VIPR2: variants seen among roughly 807,000 people sequenced by gnomAD.
VIPR2 encodes the protein vasoactive intestinal polypeptide receptor 2.
A neutral mutation model predicts 58.0 loss-of-function variants in VIPR2; 48 were observed. That is an observed-to-expected ratio of 0.83 (90% confidence interval 0.66 to 1.05). VIPR2 has a LOEUF of 1.05. VIPR2 is among the 50% of genes least tolerant of loss of function. VIPR2 has a pLI of 0.00. For synonymous variants in VIPR2, 243 were observed against 235.2 expected, an observed-to-expected ratio of 1.03 and a Z score of -0.30; for missense variants, 534 against 558.0, an observed-to-expected ratio of 0.96 and a Z score of 0.43.
intron 2 of VIPR2, among the ~76,000 whole-genome samples, chr7:159,140,076 T>C (rs1184647208): frequency 1.7e-5 from 2 of 116,824 alleles, no homozygotes; most frequent in Non-Finnish European, 4.0e-5. Context: ...CGTGTTTTTT[T>C]GTTTTTGTTT....
At chr7:159,116,144 C>T (rs1050334523) in intron 2 of VIPR2, among the ~76,000 whole-genome samples, 3 of 152,088 alleles carry the variant, frequency 2.0e-5, no homozygotes, top group Admixed American at 1.3e-4. Context: ...GAGCCCTGGT[C>T]GGAAAGGCTG....
chr7:159,126,089 G>C (rs1179004376), intron 2 of VIPR2, among the ~76,000 whole-genome samples: 4 of 152,168 alleles, frequency 2.6e-5, no homozygotes, highest in Non-Finnish European at 5.9e-5. Context: ...TGTGAACTTG[G>C]GGGCTCTCGT....
intron 2 of VIPR2, among the ~76,000 whole-genome samples, chr7:159,140,824 G>C (rs1053416829): frequency 6.6e-6 from 1 of 152,222 alleles, no homozygotes; most frequent in Non-Finnish European, 1.5e-5. Context: ...GTGTAAATGT[G>C]CTGACCTGCC....
intron 3 of VIPR2, among the ~76,000 whole-genome samples, chr7:159,106,936 T>TCAGGGAGGGACAGAGAGAGGC (rs1795767035): frequency 9.5e-6 from 1 of 104,746 alleles, no homozygotes; most frequent in Admixed American, 1.0e-4. Context: ...TGCAGAGAGA[T>TCAGGGAGGGACAGAGAGAGGC]CAGGGAGGTA....
chr7:159,144,131 T>C (rs765603318), intron 1 of VIPR2, among the ~76,000 whole-genome samples: 1 of 152,206 alleles, frequency 6.6e-6, no homozygotes, highest in Non-Finnish European at 1.5e-5. Flanking sequence ...TTCTTTCCTT[T>C]TTTTTTAAGG....
At chr7:159,059,699 C>T (rs1855521533) in intron 4 of VIPR2, among the ~76,000 whole-genome samples, 1 of 141,530 alleles carries the variant, frequency 7.1e-6, no homozygotes, top group Non-Finnish European at 1.6e-5. Flanking sequence ...CCCGACTCCA[C>T]TCACGAGAAT....
intron 4 of VIPR2, among the ~76,000 whole-genome samples, chr7:159,067,278 G>A (rs914782802): frequency 7.9e-5 from 12 of 152,208 alleles, no homozygotes; most frequent in Non-Finnish European, 1.5e-4. Context: ...GCAGCCAAAC[G>A]GATGCTCTGA....
intron 4 of VIPR2, among the ~76,000 whole-genome samples, chr7:159,082,454 G>C (rs1038824003): frequency 3.0e-4 from 45 of 152,170 alleles, no homozygotes; most frequent in African/African-American, 1.0e-3. Context: ...ATCACACACC[G>C]GGGACTGTTG....
chr7:159,102,886 G>A (rs780252965), intron 4 of VIPR2, among the ~76,000 whole-genome samples: 6 of 152,226 alleles, frequency 3.9e-5, no homozygotes, highest in Non-Finnish European at 8.8e-5. Context: ...CTTGCCCTGT[G>A]CAGGGAGCAC....
intron 6 of VIPR2, among the ~76,000 whole-genome samples, chr7:159,039,037 C>T (rs1344522354): frequency 6.6e-6 from 1 of 152,232 alleles, no homozygotes; most frequent in African/African-American, 2.4e-5. Flanking sequence ...GCAGTGCCAA[C>T]GCCCACCAGA....
intron 5 of VIPR2, among the ~76,000 whole-genome samples, chr7:159,054,810 G>A (rs1337229390): frequency 6.6e-6 from 1 of 152,126 alleles, no homozygotes; most frequent in East Asian, 1.9e-4. Flanking sequence ...ACATATTTAT[G>A]GGGTATACTT....
intron 4 of VIPR2, among the ~76,000 whole-genome samples, chr7:159,066,454 G>T (rs1317014496): frequency 3.9e-5 from 6 of 152,174 alleles, no homozygotes; most frequent in African/African-American, 1.4e-4. Flanking sequence ...TGGGATTCCA[G>T]GATGCCTGTT....
At chr7:159,136,162 G>A (rs1399229692) in intron 2 of VIPR2, among the ~76,000 whole-genome samples, 1 of 152,152 alleles carries the variant, frequency 6.6e-6, no homozygotes, top group Admixed American at 6.5e-5. Flanking sequence ...ATCCAGGGTC[G>A]AGTGGCCACA....
At chr7:159,109,739 C>T in intron 3 of VIPR2, 73 bp downstream of exon 3, 1 of 1,414,294 alleles carries the variant, frequency 7.1e-7, no homozygotes, top group Non-Finnish European at 1.0e-6. Flanking sequence ...GTTCCTGCTT[C>T]TTGGATGGAA....
rs1315335134 is a variant in VIPR2 at position 159,034,207 on chromosome 7, A to G, written c.971+6T>C. On this transcript the variant is annotated splice_donor_region_variant and intron_variant, in intron 10 of 12. Transcript: ENST00000262178. ...CAGGGACGGCCAGGCCGGGACACAC[A>G]CTCACTTGTACTGAGACTGGTCGTT... The G allele has an allele frequency of 6.2e-7, 1 of 1,613,684 alleles. No individual in the cohort carries two copies. The highest frequency in any genetic ancestry group is 8.5e-7 in the Non-Finnish European group (1 of 1,179,816).
chr7:159,128,409 T>C lies in VIPR2; in HGVS notation c.151+14037A>G, dbSNP rs536177574. Among the ~76,000 whole-genome samples, 10 of 152,252 alleles carry C rather than the reference T, an allele frequency of 6.6e-5. No individual in the cohort carries two copies. The highest frequency in any genetic ancestry group is 2.1e-4 in the South Asian group (1 of 4,822). ...CAGGACACACCTTATGCCCCTCAGA[T>C]GACTGAGGTCCTAACAACTGTGTGT... is the stretch of plus-strand genomic sequence containing the variant. On this transcript the variant is annotated intron_variant, in intron 2 of 12. Transcript: ENST00000262178. The surrounding 1 kb of genome is among the most constrained non-coding windows in gnomAD (Gnocchi z 4.1).
In VIPR2 at chr7:159,079,545, A is replaced by T. The variant is rs1276889739; in HGVS notation, c.358-20967T>A. Among the ~76,000 whole-genome samples, 4 of 152,174 alleles carry T rather than the reference A, an allele frequency of 2.6e-5. No homozygotes were observed. In the South Asian group the frequency reaches 8.3e-4, roughly 32 times the overall value. ...AAAGATCTAAAATTGACACCCTAAC[A>T]TCACAAAAGAACTAGAGAAGCAAGA... is the stretch of plus-strand genomic sequence containing the variant. On this transcript the variant is annotated intron_variant, in intron 4 of 12. Transcript: ENST00000262178.
At chr7:159,053,505 C>G (rs1311104293) in intron 5 of VIPR2, among the ~76,000 whole-genome samples, 1 of 152,098 alleles carries the variant, frequency 6.6e-6, no homozygotes, top group Non-Finnish European at 1.5e-5. Context: ...TCTATAGATA[C>G]AATGCAATAC....
At chr7:159,141,889 G>C (rs1797482999) in intron 2 of VIPR2, among the ~76,000 whole-genome samples, 1 of 152,236 alleles carries the variant, frequency 6.6e-6, no homozygotes, top group Admixed American at 6.5e-5. Flanking sequence ...CCAGGGCAGA[G>C]TCTATAAACA....
Sources: allele counts gnomAD v4.1 joint callset (sites outside exome capture counted in the v4.1 genomes callset), GRCh38; gene constraint gnomAD v4.1.1; non-coding constraint Gnocchi (gnomAD v3.1); transcripts MANE v1.5; gene names NCBI Gene and HGNC (gene_info 2026-07-23, HGNC 2026-07-21).